GOLPH3: variants seen among roughly 807,000 people sequenced by gnomAD.
GOLPH3 encodes coat protein GPP34.
A neutral mutation model predicts 28.5 loss-of-function variants in GOLPH3; 14 were observed. That is an observed-to-expected ratio of 0.49 (90% CI 0.32 to 0.77). GOLPH3 has a LOEUF of 0.77. GOLPH3 is among the 30% of genes least tolerant of loss of function. GOLPH3 has a pLI of 0.03. For synonymous variants in GOLPH3, 158 were observed against 159.2 expected (o/e 0.99, Z 0.06); for missense variants, 350 against 393.7 (o/e 0.89, Z 0.94).
Position 32,124,837 on chromosome 5 carries a change from T to C in GOLPH3, c.*1375A>G, listed in dbSNP as rs562703437. The C allele has an allele frequency of 3.9e-5, 6 of 152,632 alleles. No individual in the cohort carries two copies. Among genetic ancestry groups the C allele is most frequent in the Non-Finnish European group, 8.8e-5 (6 of 68,040 alleles). The allele number at this position is 152,632 out of a possible 1,614,324, so 9.5% of individuals were successfully genotyped here. A position where few individuals can be genotyped will look rare whatever the true frequency, so the allele number is the denominator to read the frequency against. Reference sequence around the variant, plus strand: ...CACCATCTAGTACTTTTGCAATGAATGTTAACAACAACAAAAAAAATCTCT... The same window carrying C: ...CACCATCTAGTACTTTTGCAATGAACGTTAACAACAACAAAAAAAATCTCT... On this transcript the variant is annotated 3_prime_UTR_variant, in exon 4 of 4. Coordinates refer to ENST00000265070, the MANE Select transcript of GOLPH3 (RefSeq NM_022130.4).
In GOLPH3 at chr5:32,158,023, T is replaced by TACACACAC. The variant is rs368465798; in HGVS notation, c.226-14151_226-14144dup. 5.6e-3 allele frequency among the ~76,000 whole-genome samples: 150 copies of TACACACAC among 26,748 alleles called. 8 individuals carry two copies. The highest frequency in any genetic ancestry group is 7.5e-3 in the Non-Finnish European group (100 of 13,314). The allele number at this position is 26,748 out of a possible 152,430, so 17.5% of individuals were successfully genotyped here. ...TAAATAAATAAATAAATAAATAAAA[T>TACACACAC]ACACACACACACACACACACACACA... On this transcript the variant is annotated intron_variant, in intron 1 of 3. Transcript: ENST00000265070.
At chr5:32,158,560 TCAG>T in intron 1 of GOLPH3, among the ~76,000 whole-genome samples, 1 of 152,010 alleles carries the variant, frequency 6.6e-6, no homozygotes, top group East Asian at 1.9e-4. Flanking sequence ...GAAGGTATCA[TCAG>T]CAAGTCCATC....
intron 3 of GOLPH3, among the ~76,000 whole-genome samples, chr5:32,128,688 T>C (rs1745751842): frequency 6.6e-6 from 1 of 151,040 alleles, no homozygotes; most frequent in South Asian, 2.1e-4. Flanking sequence ...AACAAAAAAT[T>C]AAAAACAAGT....
intron 2 of GOLPH3, among the ~76,000 whole-genome samples, chr5:32,143,173 A>C (rs1157766019): frequency 6.6e-6 from 1 of 152,212 alleles, no homozygotes; most frequent in Admixed American, 6.5e-5. Flanking sequence ...GCTCTCTGAA[A>C]CATGTGCTGT....
At chr5:32,141,990 A>G (rs552338494) in intron 2 of GOLPH3, among the ~76,000 whole-genome samples, 4 of 152,184 alleles carry the variant, frequency 2.6e-5, no homozygotes, top group Admixed American at 2.6e-4. Flanking sequence ...TTGGCCTCCC[A>G]AAGTGCCGAG....
chr5:32,168,937 G>A (rs112171255), intron 1 of GOLPH3, among the ~76,000 whole-genome samples: 191 of 150,366 alleles, frequency 1.3e-3, no homozygotes, highest in African/African-American at 4.3e-3. Flanking sequence ...CTAGCCTGGC[G>A]ACACAGCACA....
chr5:32,169,559 A>C (rs1457847892), intron 1 of GOLPH3, among the ~76,000 whole-genome samples: 1 of 152,216 alleles, frequency 6.6e-6, no homozygotes, highest in Non-Finnish European at 1.5e-5. Flanking sequence ...AATTAAATCT[A>C]ACCTTAAAAG....
At chr5:32,148,229 T>C (rs1413766545) in intron 1 of GOLPH3, among the ~76,000 whole-genome samples, 2 of 152,166 alleles carry the variant, frequency 1.3e-5, no homozygotes, top group African/African-American at 4.8e-5. Flanking sequence ...TCCGTTTCTA[T>C]ATATTACTTC....
At chr5:32,144,307 T>C (rs754668502) in intron 1 of GOLPH3, among the ~76,000 whole-genome samples, 1 of 152,236 alleles carries the variant, frequency 6.6e-6, no homozygotes, top group Admixed American at 6.5e-5. Flanking sequence ...CATTCATTTA[T>C]TGCTGTTTAG....
intron 2 of GOLPH3, among the ~76,000 whole-genome samples, chr5:32,140,900 G>A (rs765612569): frequency 6.6e-6 from 1 of 151,750 alleles, no homozygotes; most frequent in African/African-American, 2.4e-5. Flanking sequence ...GATAGCTCAC[G>A]CCTGTAATCC....
At chr5:32,142,833 G>GGA (rs1358742028) in intron 2 of GOLPH3, among the ~76,000 whole-genome samples, 1 of 140,946 alleles carries the variant, frequency 7.1e-6, no homozygotes. Flanking sequence ...GGTGGGGGGG[G>GGA]TCAGCCCCCC....
At chr5:32,161,864 A>G (rs1310005467) in intron 1 of GOLPH3, among the ~76,000 whole-genome samples, 1 of 150,542 alleles carries the variant, frequency 6.6e-6, no homozygotes, top group Non-Finnish European at 1.5e-5. Context: ...CGCCTCTACT[A>G]AAAATACAAA....
chr5:32,153,914 T>C (rs1178923374), intron 1 of GOLPH3, among the ~76,000 whole-genome samples: 1 of 152,160 alleles, frequency 6.6e-6, no homozygotes, highest in East Asian at 1.9e-4. Context: ...ACAGGATTCC[T>C]TGAAGGAATG....
At chr5:32,157,082 G>C (rs1244267131) in intron 1 of GOLPH3, among the ~76,000 whole-genome samples, 1 of 152,122 alleles carries the variant, frequency 6.6e-6, no homozygotes. Context: ...TTTTTTCACA[G>C]AAGTAACAGC....
rs114575833 is a variant in GOLPH3, at chr5:32,170,018, C to T, written c.225+3792G>A. ...CTCACTCCTAACAGGTAATCTGAAGCCAGACCATCTGCTTATTCAAAAACT... is the reference window on the plus strand; with the variant it reads ...CTCACTCCTAACAGGTAATCTGAAGTCAGACCATCTGCTTATTCAAAAACT... On this transcript the variant is annotated intron_variant, in intron 1 of 3. Transcript: ENST00000265070. Among the ~76,000 whole-genome samples, 554 of 151,240 alleles carry T rather than the reference C, an allele frequency of 3.7e-3. 2 individuals are homozygous for T. The highest frequency in any genetic ancestry group is 0.013 in the African/African-American group (523 of 41,220).
chr5:32,159,912 G>C (rs910803178), intron 1 of GOLPH3, among the ~76,000 whole-genome samples: 2 of 152,146 alleles, frequency 1.3e-5, no homozygotes, highest in Admixed American at 6.5e-5. Context: ...CATACTGTGG[G>C]TAAGTATTTT....
At chr5:32,162,625 A>C (rs1746611232) in intron 1 of GOLPH3, among the ~76,000 whole-genome samples, 1 of 152,266 alleles carries the variant, frequency 6.6e-6, no homozygotes, top group South Asian at 2.1e-4. Context: ...GGAAATATTA[A>C]ATACTTGTCA....
intron 2 of GOLPH3, among the ~76,000 whole-genome samples, chr5:32,139,693 T>G (rs374888243): frequency 3.0e-4 from 46 of 152,290 alleles, no homozygotes; most frequent in African/African-American, 1.0e-3. Context: ...CTTCTTTTTT[T>G]GGGGGGACGG....
chr5:32,126,698 T>G lies in GOLPH3; in HGVS notation c.473-62A>C, dbSNP rs1745689848. 2.2e-6 allele frequency: 3 copies of G among 1,337,180 alleles called. No homozygotes were observed. In the African/African-American group the frequency reaches 4.4e-5, roughly 20 times the overall value. The allele number at this position is 1,337,180 out of a possible 1,614,324, so 82.8% of individuals were successfully genotyped here. Reference sequence around the variant, plus strand: ...ATTATCTGCTAATTTTGCAAAAATTTTGTACTATTAAACAGTAAAATCTGA... The same window carrying G: ...ATTATCTGCTAATTTTGCAAAAATTGTGTACTATTAAACAGTAAAATCTGA... On this transcript the variant is annotated intron_variant, in intron 3 of 3. Transcript: ENST00000265070.
Sources: gnomAD v4.1 joint callset for allele counts (sites outside exome capture counted in the v4.1 genomes callset) on GRCh38, gnomAD v4.1.1 for gene constraint, MANE v1.5 for transcripts, NCBI Gene and HGNC (gene_info 2026-07-23, HGNC 2026-07-21) for gene names.